The following HEATR5A variants were observed in gnomAD, a reference collection of about 807,000 sequenced individuals.
HEATR5A encodes the protein HEAT repeat containing 5A.
Under a neutral mutation model 218.8 loss-of-function variants are expected in HEATR5A, and 178 were observed. The ratio of observed to expected loss-of-function variants is 0.81; its 90% CI spans 0.72 to 0.92. The LOEUF (loss-of-function observed/expected upper bound fraction) is 0.92, where lower values mean the gene tolerates loss of function less well. Among genes scored for constraint, HEATR5A ranks in the 40% least tolerant of loss-of-function variants. The pLI is 0.00. For synonymous variants in HEATR5A, 864 were observed against 871.6 expected (o/e 0.99, Z 0.15); for missense variants, 2,420 against 2,418.9 (o/e 1.00, Z -0.01).
Position 31,293,314 on chromosome 14 carries a change from A to T in HEATR5A, c.6132T>A (p.Ser2044Arg). ...GKNSSIQLKT[S>R]FL ...TATTCCAAAAAAAAAATCAGAGGAAACTGGTCTTTAATTGGATGCTTGAGT... is the reference window on the plus strand; with the variant it reads ...TATTCCAAAAAAAAAATCAGAGGAATCTGGTCTTTAATTGGATGCTTGAGT... The change falls in exon 36 of 36, where the codon AGT (serine) becomes AGA (arginine). Residue 2044 changes from serine to arginine, a missense_variant. Physicochemically the swap from Ser to Arg is moderately radical, Grantham distance 110. Coordinates refer to ENST00000543095, the MANE Select transcript of HEATR5A (RefSeq NM_015473.4). 1 of 1,582,722 alleles carries T rather than the reference A, an allele frequency of 6.3e-7. No homozygotes were observed. Among genetic ancestry groups the T allele is most frequent in the Non-Finnish European group, 8.5e-7 (1 of 1,169,810 alleles).
chr14:31,343,805 C>T lies in HEATR5A; in HGVS notation c.3228+91G>A, dbSNP rs545646840. On this transcript the variant is annotated intron_variant, in intron 21 of 35. Transcript: ENST00000543095. Reference sequence around the variant, plus strand: ...TACGTATATAACACATAACTTTGTACATAGTCTAGAGTATAATTAAAATGT... The same window carrying T: ...TACGTATATAACACATAACTTTGTATATAGTCTAGAGTATAATTAAAATGT... 2.8e-6 allele frequency: 3 copies of T among 1,059,340 alleles called. No homozygotes were observed. The African/African-American group carries it at 4.8e-5, about 17-fold the overall frequency. 65.6% of individuals were successfully genotyped at this position (1,059,340 alleles called of 1,614,324 possible).
At chr14:31,356,367 G>C (rs1266266031) in intron 16 of HEATR5A, among the ~76,000 whole-genome samples, 1 of 152,154 alleles carries the variant, frequency 6.6e-6, no homozygotes, top group Non-Finnish European at 1.5e-5. Flanking sequence ...CTCCTCAGTA[G>C]CTGGGACTAC....
At chr14:31,385,052 A>G (rs552499105) in intron 9 of HEATR5A, among the ~76,000 whole-genome samples, 1 of 152,342 alleles carries the variant, frequency 6.6e-6, no homozygotes, top group South Asian at 2.1e-4. Flanking sequence ...AGTGTCCCAG[A>G]TCTAAATAGC....
At chr14:31,357,468 A>G (rs1052063752) in intron 16 of HEATR5A, among the ~76,000 whole-genome samples, 2 of 152,182 alleles carry the variant, frequency 1.3e-5, no homozygotes, top group Admixed American at 1.3e-4. Flanking sequence ...ATCAGTGCGG[A>G]TGACAGTGAT....
rs1419056083 is a variant in HEATR5A at position 31,291,893 on chromosome 14, C to A, written c.*1412G>T. Reference sequence around the variant, plus strand: ...AACAATTTACAATAGTATTTATATACAAACATAATAAAATAGGTACATCAC... The same window carrying A: ...AACAATTTACAATAGTATTTATATAAAAACATAATAAAATAGGTACATCAC... On this transcript the variant is annotated 3_prime_UTR_variant, in exon 36 of 36. Transcript: ENST00000543095. The A allele has an allele frequency of 6.6e-6, 1 of 152,048 alleles. No homozygotes were observed. Among genetic ancestry groups the A allele is most frequent in the Non-Finnish European group, 1.5e-5 (1 of 68,022 alleles). The allele number at this position is 152,048 out of a possible 1,614,324, so 9.4% of individuals were successfully genotyped here. A position where few individuals can be genotyped will look rare whatever the true frequency, so the allele number is the denominator to read the frequency against.
Position 31,395,216 on chromosome 14 carries a change from G to C in HEATR5A, c.580C>G (p.Arg194Gly). 6.6e-7 allele frequency: 1 copy of C among 1,515,648 alleles called. No homozygotes were observed. Among genetic ancestry groups the C allele is most frequent in the South Asian group, 1.2e-5 (1 of 80,328 alleles). 93.9% of individuals were successfully genotyped at this position (1,515,648 alleles called of 1,614,324 possible). A position where few individuals can be genotyped will look rare whatever the true frequency, so the allele number is the denominator to read the frequency against. Residue 194 changes from arginine (R) to glycine (G), a missense_variant, in exon 5 of 36, where the codon CGT (arginine) becomes GGT (glycine). Physicochemically the swap from Arg to Gly is moderately radical, Grantham distance 125. Transcript: ENST00000543095. ...SCLTDRSMAV[R>G]CAAAKCLLEL... ...CATTTTACCTTTGCAGCAGCACAAC[G>C]AACAGCCATGGATCTATCTGTCAAG...
chr14:31,419,934 G>A lies in HEATR5A; in HGVS notation c.-75+538C>T, dbSNP rs1232282698. ...CACACTCTCCACTGCTCCCTTCTGG[G>A]AACTCTCTTTGAGGGTTCCTGCAGA... On this transcript the variant is annotated intron_variant, in intron 1 of 35. Coordinates refer to ENST00000543095, the MANE Select transcript of HEATR5A (RefSeq NM_015473.4). Among the ~76,000 whole-genome samples, 3 of 152,352 alleles carry A rather than the reference G, an allele frequency of 2.0e-5. No homozygotes were observed. The East Asian group carries it at 5.8e-4, about 29-fold the overall frequency.
At position 31,326,171 on chromosome 14, in the gene HEATR5A, G is replaced by A; in HGVS notation, c.3539C>T (p.Ala1180Val). The A allele has an allele frequency of 6.2e-7, 1 of 1,608,720 alleles. No individual in the cohort carries two copies. Among genetic ancestry groups the A allele is most frequent in the Non-Finnish European group, 8.5e-7 (1 of 1,175,350 alleles). Residue 1180 changes from alanine to valine, a missense_variant, in exon 23 of 36, where the codon GCA (alanine) becomes GTA (valine). Physicochemically the swap from Ala to Val is moderately conservative, Grantham distance 64. Transcript: ENST00000543095. ...WLKLCKDVLA[A>V]SADFTAVTCV... ...TAATGTCCAATACTTACCAGCTGATGCAGCAAGTACATCTTTACAAAGCTT... is the reference window on the plus strand; with the variant it reads ...TAATGTCCAATACTTACCAGCTGATACAGCAAGTACATCTTTACAAAGCTT...
At chr14:31,411,653 G>A (rs17555812) in intron 1 of HEATR5A, among the ~76,000 whole-genome samples, 16,038 of 152,130 alleles carry the variant, frequency 0.11, 1,198 homozygotes, top group East Asian at 0.34. Flanking sequence ...ACTATGTACT[G>A]CCAAGAGGGT....
intron 10 of HEATR5A, among the ~76,000 whole-genome samples, chr14:31,381,787 A>G (rs905575466): frequency 2.6e-5 from 4 of 152,134 alleles, no homozygotes; most frequent in African/African-American, 4.8e-5. Flanking sequence ...CCCTGTTTCA[A>G]AAAAAGGGGT....
intron 22 of HEATR5A, among the ~76,000 whole-genome samples, chr14:31,336,209 CATACATACATATAT>C (rs1214657472): frequency 0.036 from 2,050 of 57,500 alleles, 107 homozygotes; most frequent in Middle Eastern, 0.057. Context: ...TTTATATATA[CATACATACATATAT>C]ATATATATAT....
chr14:31,344,911 C>G (rs1283345517), intron 20 of HEATR5A, among the ~76,000 whole-genome samples, 176 bp downstream of exon 20: 1 of 152,136 alleles, frequency 6.6e-6, no homozygotes, highest in Non-Finnish European at 1.5e-5. Context: ...ATGTAATTGT[C>G]TAAATATTGT....
intron 11 of HEATR5A, among the ~76,000 whole-genome samples, chr14:31,377,651 GCA>G (rs1471305603): frequency 6.6e-6 from 1 of 152,024 alleles, no homozygotes; most frequent in Non-Finnish European, 1.5e-5. Context: ...GCAGGGTGGT[GCA>G]CACAGTCCCA....
chr14:31,398,850 G>A (rs1181133200), intron 3 of HEATR5A, 69 bp from the exon 4 acceptor site: 3 of 868,214 alleles, frequency 3.5e-6, no homozygotes, highest in Non-Finnish European at 5.5e-6. Flanking sequence ...CTTAGGATAT[G>A]TAAGGATAAC....
intron 23 of HEATR5A, among the ~76,000 whole-genome samples, chr14:31,324,351 T>C (rs762272105): frequency 2.0e-5 from 3 of 152,218 alleles, no homozygotes; most frequent in Non-Finnish European, 4.4e-5. Context: ...GTGAATTATC[T>C]CCTCTACTTA....
At chr14:31,388,736 A>G (rs2030332721) in intron 7 of HEATR5A, 109 bp downstream of exon 7, 13 of 776,148 alleles carry the variant, frequency 1.7e-5, no homozygotes, top group Middle Eastern at 2.7e-4. Context: ...TATAGATATG[A>G]GAGCATAAGT....
At chr14:31,397,638 G>GACACA (rs935807008) in intron 4 of HEATR5A, among the ~76,000 whole-genome samples, 6 of 144,662 alleles carry the variant, frequency 4.1e-5, no homozygotes, top group Non-Finnish European at 6.0e-5. Flanking sequence ...AAGCCTGGGT[G>GACACA]ACACAGCTAG....
chr14:31,373,727 TCATA>T, intron 12 of HEATR5A, among the ~76,000 whole-genome samples: 1 of 152,238 alleles, frequency 6.6e-6, no homozygotes, highest in East Asian at 1.9e-4. Context: ...AAGGGTCTCT[TCATA>T]CATAGGTTTT....
At chr14:31,359,508 C>T (rs1901545030) in intron 14 of HEATR5A, among the ~76,000 whole-genome samples, 1 of 151,596 alleles carries the variant, frequency 6.6e-6, no homozygotes, top group African/African-American at 2.4e-5. Context: ...GGGTGGATCA[C>T]TTGAGGTCAG....
Sources: gnomAD v4.1 joint callset for allele counts (sites outside exome capture counted in the v4.1 genomes callset) on GRCh38, gnomAD v4.1.1 for gene constraint, MANE v1.5 for transcripts, NCBI Gene and HGNC (gene_info 2026-07-23, HGNC 2026-07-21) for gene names.